FAF1: variants seen among roughly 807,000 people sequenced by gnomAD.
FAF1 encodes Fas associated factor 1.
FAF1 carries 25 observed loss-of-function variants against 92.5 expected under a neutral mutation model. That is an observed-to-expected ratio of 0.27 (90% CI 0.20 to 0.38). FAF1 has a LOEUF of 0.38. Ranked by LOEUF, FAF1 falls within the 10% of genes least tolerant of loss-of-function variation. The pLI, the probability that FAF1 is intolerant of heterozygous loss-of-function variation, is 1.00. For synonymous variants in FAF1, 234 were observed against 273.2 expected (o/e 0.86, Z 1.42); for missense variants, 636 against 793.3 (o/e 0.80, Z 2.38).
chr1:50,594,700 G>A lies in FAF1; in HGVS notation c.840+1421C>T, dbSNP rs981865152. On this transcript the variant is annotated intron_variant, in intron 9 of 18. Transcript: ENST00000396153. The stretch of plus-strand genomic sequence containing the variant: ...AGCCTGGCCAATATAGTGAAACCCC[G>A]TCTCTATTAAAAATACAAAAATTAG... 6.6e-5 allele frequency among the ~76,000 whole-genome samples: 10 copies of A among 151,460 alleles called. No homozygotes were observed. The South Asian group carries it at 1.0e-3, about 16-fold the overall frequency.
chr1:50,738,997 A>G, intron 5 of FAF1, 43 bp from the exon 6 acceptor site: 2 of 1,145,556 alleles, frequency 1.7e-6, no homozygotes, highest in South Asian at 2.8e-5. Context: ...GTTGATGTTG[A>G]TTATTCATTA....
chr1:50,755,795 T>C (rs931023596), intron 4 of FAF1, among the ~76,000 whole-genome samples: 1 of 152,170 alleles, frequency 6.6e-6, no homozygotes, highest in Non-Finnish European at 1.5e-5. Flanking sequence ...CAACACCACA[T>C]GGAAGCTGCC....
intron 8 of FAF1, among the ~76,000 whole-genome samples, chr1:50,614,985 T>G (rs1252899838): frequency 6.6e-6 from 1 of 152,178 alleles, no homozygotes; most frequent in Non-Finnish European, 1.5e-5. Flanking sequence ...ATGGGTATAT[T>G]GCACCCAGGT....
rs1475188391 is a variant in FAF1 at position 50,437,585 on chromosome 1, T to G, written c.*3855A>C. On this transcript the variant is annotated 3_prime_UTR_variant, in exon 19 of 19. Coordinates refer to ENST00000396153, the MANE Select transcript of FAF1 (RefSeq NM_007051.3). ...TTTATTTTTTATTTATTTATTTTTT[T>G]AGAGACAGGGTCTTGGTATGTGGTC... 6.6e-6 allele frequency: 1 copy of G among 152,104 alleles called. No homozygotes were observed. The highest frequency in any genetic ancestry group is 1.9e-4 in the East Asian group (1 of 5,176). 9.4% of individuals were successfully genotyped at this position (152,104 alleles called of 1,614,324 possible). A position where few individuals can be genotyped will look rare whatever the true frequency, so the allele number is the denominator to read the frequency against.
chr1:50,670,050 G>A (rs1216090455), intron 7 of FAF1, among the ~76,000 whole-genome samples: 1 of 151,634 alleles, frequency 6.6e-6, no homozygotes, highest in African/African-American at 2.4e-5. Context: ...GAACAAGGGA[G>A]GTGGAGGTTG....
At chr1:50,722,070 G>GT (rs1421462358) in intron 6 of FAF1, among the ~76,000 whole-genome samples, 2 of 152,136 alleles carry the variant, frequency 1.3e-5, no homozygotes, top group Non-Finnish European at 2.9e-5. Flanking sequence ...AAAACCTACT[G>GT]TTTTTTTCTA....
At chr1:50,459,289 T>C (rs1572755882) in intron 18 of FAF1, among the ~76,000 whole-genome samples, 1 of 152,150 alleles carries the variant, frequency 6.6e-6, no homozygotes, top group Non-Finnish European at 1.5e-5. Context: ...CTCAGTCTTT[T>C]AACTACTACC....
intron 18 of FAF1, among the ~76,000 whole-genome samples, chr1:50,445,464 T>TGA (rs1326900800): frequency 6.6e-6 from 1 of 152,186 alleles, no homozygotes; most frequent in Non-Finnish European, 1.5e-5. Context: ...GAGATATTGC[T>TGA]GAGAGTAGTT....
At chr1:50,442,100 T>A (rs1396411229) in intron 18 of FAF1, among the ~76,000 whole-genome samples, 1 of 152,140 alleles carries the variant, frequency 6.6e-6, no homozygotes, top group Non-Finnish European at 1.5e-5. Flanking sequence ...AAAAAAATCA[T>A]AATTTTGTAA....
chr1:50,914,318 T>C (rs966712152), intron 1 of FAF1, among the ~76,000 whole-genome samples: 8 of 152,196 alleles, frequency 5.3e-5, no homozygotes, highest in Non-Finnish European at 1.0e-4. Context: ...TAAATAAGTA[T>C]ACAAAACTAT....
chr1:50,589,440 T>C (rs1651398059), intron 9 of FAF1, among the ~76,000 whole-genome samples: 2 of 152,126 alleles, frequency 1.3e-5, no homozygotes, highest in Non-Finnish European at 2.9e-5. Context: ...CCAGAGACTG[T>C]CAAGGCTGCT....
At chr1:50,578,719 A>G (rs1393806992) in intron 12 of FAF1, among the ~76,000 whole-genome samples, 1 of 152,200 alleles carries the variant, frequency 6.6e-6, no homozygotes, top group Non-Finnish European at 1.5e-5. Context: ...GTATAGGAAC[A>G]TGTTTTATAA....
chr1:50,846,577 G>T, intron 2 of FAF1: 1 of 530,410 alleles, frequency 1.9e-6, no homozygotes, highest in South Asian at 1.5e-5. Context: ...CAATAGTGAG[G>T]AACTTGGAAA....
intron 1 of FAF1, among the ~76,000 whole-genome samples, chr1:50,902,923 T>C (rs992505740): frequency 3.3e-5 from 5 of 152,202 alleles, no homozygotes; most frequent in Non-Finnish European, 5.9e-5. Context: ...AACTCATTTG[T>C]GGTGAGAGTT....
chr1:50,731,193 A>C lies in FAF1; in HGVS notation c.551+7670T>G, dbSNP rs1008476004. On this transcript the variant is annotated intron_variant, in intron 6 of 18. Coordinates refer to ENST00000396153, the MANE Select transcript of FAF1 (RefSeq NM_007051.3). ...GGGACCCTCTGGTCACAGGTTGGAC[A>C]ACTAGGCTTTAGGCTGTCCACCATG... Among the ~76,000 whole-genome samples the C allele has an allele frequency of 2.0e-5, 3 of 152,104 alleles. No individual in the cohort carries two copies. In the East Asian group the frequency reaches 5.8e-4, roughly 29 times the overall value.
chr1:50,824,340 G>A (rs1644072909), intron 2 of FAF1, among the ~76,000 whole-genome samples: 1 of 151,992 alleles, frequency 6.6e-6, no homozygotes, highest in Non-Finnish European at 1.5e-5. Flanking sequence ...AATTTTTACT[G>A]CCAAAACCTA....
intron 6 of FAF1, among the ~76,000 whole-genome samples, chr1:50,733,202 A>G (rs1282601225): frequency 6.6e-6 from 1 of 152,134 alleles, no homozygotes; most frequent in East Asian, 1.9e-4. Flanking sequence ...TTAGCTTCAC[A>G]CTTCCTTAAC....
chr1:50,638,796 T>C (rs1654185539), intron 8 of FAF1, among the ~76,000 whole-genome samples: 1 of 152,220 alleles, frequency 6.6e-6, no homozygotes, highest in African/African-American at 2.4e-5. Context: ...AATTCTTCTC[T>C]ATTCCCAGTT....
chr1:50,679,618 A>G (rs1205184925), intron 7 of FAF1, among the ~76,000 whole-genome samples: 2 of 152,210 alleles, frequency 1.3e-5, no homozygotes, highest in Non-Finnish European at 2.9e-5. Flanking sequence ...TACTCAAGTC[A>G]TATATTTAGA....
Sources: allele counts gnomAD v4.1 joint callset (sites outside exome capture counted in the v4.1 genomes callset), GRCh38; gene constraint gnomAD v4.1.1; transcripts MANE v1.5; gene names NCBI Gene and HGNC (gene_info 2026-07-23, HGNC 2026-07-21).